The following SCN9A variants were observed in gnomAD, a reference collection of about 807,000 sequenced individuals.
The protein encoded by SCN9A is sodium voltage-gated channel alpha subunit 9, also known as sodium channel protein type 9 subunit alpha.
In SCN9A, 131 loss-of-function variants were observed where a neutral mutation model predicts 187.0. That is an observed-to-expected ratio of 0.70 (90% CI 0.61 to 0.81). SCN9A has a LOEUF of 0.81. Among genes scored for constraint, SCN9A ranks in the 30% least tolerant of loss-of-function variants. SCN9A has a pLI of 0.00. For synonymous variants in SCN9A, 809 were observed against 808.6 expected (o/e 1.00, Z -0.01); for missense variants, 2,252 against 2,396.6 (o/e 0.94, Z 1.26).
At position 166,219,484 on chromosome 2, in the gene SCN9A, C is replaced by T. The variant is rs148801261; in HGVS notation, c.4398+7083G>A. Among the ~76,000 whole-genome samples, 1,078 of 152,142 alleles carry T rather than the reference C, an allele frequency of 7.1e-3. 13 individuals carry two copies. The highest frequency in any genetic ancestry group is 0.051 in the South Asian group (245 of 4,816). ...TAAGGCAGGAACAGAAAACCAAATACCACATGTTCTCACTTATAAGTGGGA... is the reference window on the plus strand; with the variant it reads ...TAAGGCAGGAACAGAAAACCAAATATCACATGTTCTCACTTATAAGTGGGA... On this transcript the variant is annotated intron_variant, in intron 24 of 26. Coordinates refer to ENST00000642356, the MANE Select transcript of SCN9A (RefSeq NM_001365536.1).
chr2:166,319,075 T>C (rs1699176454), intron 1 of SCN9A, among the ~76,000 whole-genome samples: 1 of 151,970 alleles, frequency 6.6e-6, no homozygotes, highest in Admixed American at 6.6e-5. Context: ...GCATTAACAA[T>C]AGAAACAAGA....
At chr2:166,341,820 C>G (rs941202008) in intron 1 of SCN9A, among the ~76,000 whole-genome samples, 1 of 152,152 alleles carries the variant, frequency 6.6e-6, no homozygotes, top group African/African-American at 2.4e-5. Flanking sequence ...TTTTTACTAA[C>G]AGCCTGTGTC....
intron 24 of SCN9A, among the ~76,000 whole-genome samples, chr2:166,213,092 C>G (rs916336426): frequency 3.3e-5 from 5 of 151,916 alleles, no homozygotes; most frequent in Non-Finnish European, 5.9e-5. Flanking sequence ...AAAGAACAAA[C>G]TAAGCCCAAC....
chr2:166,358,446 G>C lies in SCN9A; in HGVS notation c.-51+17251C>G, dbSNP rs150690124. ...GGTCAGGGATCTTTTCATATCCTCA[G>C]ATGCCATTTGTGCTTTTTTTTCTGT... On this transcript the variant is annotated intron_variant, in intron 1 of 26. Transcript: ENST00000642356. 4.9e-3 allele frequency among the ~76,000 whole-genome samples: 752 copies of C among 152,140 alleles called. 8 individuals are homozygous for C. Among genetic ancestry groups the C allele is most frequent in the African/African-American group, 0.016 (678 of 41,504 alleles).
At chr2:166,231,726 C>T (rs144520780) in intron 21 of SCN9A, among the ~76,000 whole-genome samples, 3,110 of 151,296 alleles carry the variant, frequency 0.021, 116 homozygotes, top group African/African-American at 0.072. Context: ...TAATTTTTTG[C>T]ATTTTTAGTA....
At position 166,304,260 on chromosome 2, in the gene SCN9A, C is replaced by G. The variant is rs774129861; in HGVS notation, c.666G>C (p.Leu222Phe). ...TACCTGGGATTACAGAAATAGTTTT[C>G]AAAGCTCTCAATACTCTGAAAGTTC... ...ALRTFRVLRA[L>F]KTISVIPGLK... The change falls in exon 6 of 27, where the codon TTG becomes TTC. Residue 222 changes from leucine to phenylalanine, a missense_variant. Leu to Phe is a conservative substitution (Grantham distance 22). Around this residue, in one of 7 missense-constraint regions of SCN9A, gnomAD observed 1,013 missense variants for 997.4 expected, o/e 1.02. Transcript: ENST00000642356. 3 of 1,613,484 alleles carry G rather than the reference C, an allele frequency of 1.9e-6. No homozygotes were observed. The South Asian group carries it at 3.3e-5, about 18-fold the overall frequency.
intron 21 of SCN9A, among the ~76,000 whole-genome samples, chr2:166,230,916 C>T (rs1012353196): frequency 2.0e-5 from 3 of 152,060 alleles, no homozygotes; most frequent in African/African-American, 7.2e-5. Context: ...AGCTAAAGAG[C>T]CTAAGGACTC....
intron 7 of SCN9A, among the ~76,000 whole-genome samples, chr2:166,297,196 CAAAAAAAAAAAAAAAAAA>C (rs71031236): frequency 9.1e-5 from 3 of 32,892 alleles, no homozygotes; most frequent in Non-Finnish European, 1.2e-4. Flanking sequence ...GACTCCATCT[CAAAAAAAAAAAAAAAAAA>C]AAAAAAAAAA....
At chr2:166,230,935 T>C (rs1043802775) in intron 21 of SCN9A, among the ~76,000 whole-genome samples, 3 of 152,188 alleles carry the variant, frequency 2.0e-5, no homozygotes, top group Non-Finnish European at 4.4e-5. Flanking sequence ...TCAAACAAGC[T>C]GACTACAATA....
chr2:166,304,079 T>C (rs1698670754), intron 6 of SCN9A, 159 bp downstream of exon 6: 1 of 1,613,506 alleles, frequency 6.2e-7, no homozygotes, highest in Non-Finnish European at 8.5e-7. Context: ...CTGAATGTTC[T>C]CAATGCTGAG....
chr2:166,206,766 A>G (rs1185829548), intron 24 of SCN9A, among the ~76,000 whole-genome samples: 3 of 152,220 alleles, frequency 2.0e-5, no homozygotes, highest in South Asian at 2.1e-4. Flanking sequence ...AATATAAACT[A>G]AAATGATAAT....
intron 1 of SCN9A, among the ~76,000 whole-genome samples, chr2:166,370,220 A>ATCATCATCATCATCATCATC (rs1553507698): frequency 3.1e-5 from 3 of 97,856 alleles, no homozygotes; most frequent in African/African-American, 1.4e-4. Flanking sequence ...TAATAATAAT[A>ATCATCATCATCATCATCATC]ATAATAATAA....
intron 1 of SCN9A, among the ~76,000 whole-genome samples, chr2:166,370,805 T>C (rs879172902): frequency 6.6e-6 from 1 of 151,502 alleles, no homozygotes; most frequent in Non-Finnish European, 1.5e-5. Context: ...AGATGAGATG[T>C]AGGAGAGAAG....
chr2:166,227,916 T>G (rs1294179804), intron 22 of SCN9A, among the ~76,000 whole-genome samples, 193 bp from the exon 23 acceptor site: 2 of 152,196 alleles, frequency 1.3e-5, no homozygotes, highest in Non-Finnish European at 2.9e-5. Flanking sequence ...TAAATCTTAG[T>G]CCCAGTTAAT....
intron 1 of SCN9A, among the ~76,000 whole-genome samples, chr2:166,350,191 A>G (rs1700001872): frequency 6.6e-6 from 1 of 152,198 alleles, no homozygotes; most frequent in East Asian, 1.9e-4. Flanking sequence ...AAATTCTATG[A>G]TTCTATTATT....
chr2:166,236,199 A>AT (rs1362526727), intron 20 of SCN9A, among the ~76,000 whole-genome samples: 1 of 152,074 alleles, frequency 6.6e-6, no homozygotes, highest in African/African-American at 2.4e-5. Context: ...ATCATTTTTC[A>AT]TTTTTTAGGC....
chr2:166,292,994 C>T (rs1698144807), intron 9 of SCN9A, among the ~76,000 whole-genome samples: 1 of 152,044 alleles, frequency 6.6e-6, no homozygotes, highest in South Asian at 2.1e-4. Flanking sequence ...ATGATATACT[C>T]AGGAAGGCGA....
At position 166,229,289 on chromosome 2, in the gene SCN9A, TA is replaced by T. The variant is rs1694982556; in HGVS notation, c.3925-318del. Among the ~76,000 whole-genome samples, 6 of 151,762 alleles carry T rather than the reference TA, an allele frequency of 4.0e-5. No homozygotes were observed. In the South Asian group the frequency reaches 1.2e-3, roughly 32 times the overall value. ...ATAGCTTAAATAAATGTAAAATAAA[TA>T]AAAATAATAAACCAAAACCTGTTAT... On this transcript the variant is annotated intron_variant, in intron 21 of 26. Transcript: ENST00000642356.
At chr2:166,268,543 T>C (rs1213023022) in intron 17 of SCN9A, among the ~76,000 whole-genome samples, 2 of 151,964 alleles carry the variant, frequency 1.3e-5, no homozygotes, top group African/African-American at 4.8e-5. Flanking sequence ...ATAGGAGGAT[T>C]AAAGACATTT....
Sources: gnomAD v4.1 joint callset for allele counts (sites outside exome capture counted in the v4.1 genomes callset) on GRCh38, gnomAD v4.1.1 for gene constraint, gnomAD v4.1.1 regional missense constraint, MANE v1.5 for transcripts, NCBI Gene and HGNC (gene_info 2026-07-23, HGNC 2026-07-21) for gene names.